Variants in TXNRD1 observed in about 807,000 individuals in gnomAD.
The protein encoded by TXNRD1 is thioredoxin reductase 1, cytoplasmic.
Under a neutral mutation model 80.3 loss-of-function variants are expected in TXNRD1, and 57 were observed. That is an observed-to-expected ratio of 0.71 (90% CI 0.57 to 0.89). The LOEUF is 0.89. Ranked by LOEUF, TXNRD1 falls within the 40% of genes least tolerant of loss-of-function variation. The pLI is 0.00. For missense variants in TXNRD1, 730 were observed against 803.0 expected (o/e 0.91, Z 1.10); for synonymous variants, 291 against 285.2 (o/e 1.02, Z -0.20).
chr12:104,281,997 T>G (rs567461132), intron 3 of TXNRD1, among the ~76,000 whole-genome samples: 5 of 152,332 alleles, frequency 3.3e-5, no homozygotes, highest in African/African-American at 9.6e-5. Context: ...GGCTTTAGTA[T>G]GTTGAAGCCA....
chr12:104,283,547 G>A (rs962995552), intron 3 of TXNRD1, among the ~76,000 whole-genome samples: 2 of 151,738 alleles, frequency 1.3e-5, no homozygotes, highest in African/African-American at 4.8e-5. Context: ...ATTGCACCCG[G>A]CCTCACACTC....
intron 11 of TXNRD1, 122 bp downstream of exon 11, chr12:104,325,551 T>C: frequency 1.4e-6 from 1 of 716,306 alleles, no homozygotes; most frequent in Admixed American, 2.5e-5. Context: ...TGCCAATTCT[T>C]AGACATCTCA....
chr12:104,327,752 T>C, intron 13 of TXNRD1, 81 bp downstream of exon 13: 1 of 1,461,220 alleles, frequency 6.8e-7, no homozygotes, highest in Non-Finnish European at 9.3e-7. Context: ...GTTGGGAAGT[T>C]TCGCAGATCT....
At chr12:104,273,697 C>T (rs535072857) in intron 3 of TXNRD1, among the ~76,000 whole-genome samples, 312 of 152,358 alleles carry the variant, frequency 2.0e-3, no homozygotes, top group African/African-American at 7.1e-3. Flanking sequence ...CCGACCTGCG[C>T]GTGGCAGCCT....
chr12:104,340,358 G>A (rs2036279774), intron 16 of TXNRD1, among the ~76,000 whole-genome samples: 1 of 152,190 alleles, frequency 6.6e-6, no homozygotes, highest in African/African-American at 2.4e-5. Flanking sequence ...TTGGGAAGGA[G>A]CCAATTAACT....
chr12:104,331,785 A>G (rs1460553963), intron 14 of TXNRD1, 144 bp downstream of exon 14: 6 of 571,166 alleles, frequency 1.1e-5, no homozygotes, highest in Admixed American at 6.0e-5. Context: ...CATTGTGCCA[A>G]TTTATTTTAT....
At chr12:104,257,855 T>C (rs973417182) in intron 2 of TXNRD1, among the ~76,000 whole-genome samples, 164 bp from the exon 3 acceptor site, 3 of 152,218 alleles carry the variant, frequency 2.0e-5, no homozygotes, top group African/African-American at 7.2e-5. Flanking sequence ...GTAAATATCA[T>C]TTCTGTCAAC....
intron 3 of TXNRD1, among the ~76,000 whole-genome samples, chr12:104,267,760 C>T (rs114022273): frequency 0.012 from 1,648 of 142,480 alleles, 42 homozygotes; most frequent in African/African-American, 0.042. Context: ...TCCTTCCTCC[C>T]TCCCTTCCCT....
intron 1 of TXNRD1, among the ~76,000 whole-genome samples, chr12:104,234,638 GAAA>G (rs33956129): frequency 4.8e-5 from 6 of 125,904 alleles, no homozygotes; most frequent in African/African-American, 5.9e-5. Context: ...TAAAGTCAGG[GAAA>G]AAAAAAAAAA....
intron 4 of TXNRD1, among the ~76,000 whole-genome samples, chr12:104,293,801 C>T (rs1404375913): frequency 6.6e-6 from 1 of 152,128 alleles, no homozygotes; most frequent in East Asian, 1.9e-4. Flanking sequence ...TGCGCGGAGA[C>T]CGGTAGTGGC....
chr12:104,315,565 G>A (rs907225267), intron 6 of TXNRD1, among the ~76,000 whole-genome samples: 3 of 152,034 alleles, frequency 2.0e-5, no homozygotes, highest in African/African-American at 7.2e-5. Flanking sequence ...CCCTCTTTTT[G>A]TTTTGTTTTA....
At chr12:104,346,951 C>G (rs1489124808) in intron 16 of TXNRD1, among the ~76,000 whole-genome samples, 1 of 151,992 alleles carries the variant, frequency 6.6e-6, no homozygotes, top group South Asian at 2.1e-4. Flanking sequence ...AAAAATTATC[C>G]GAGCATGGTG....
chr12:104,252,479 G>A (rs1044717342), intron 2 of TXNRD1, among the ~76,000 whole-genome samples: 11 of 150,922 alleles, frequency 7.3e-5, no homozygotes, highest in African/African-American at 2.2e-4. Context: ...AATAAACCAG[G>A]GTGGACTTAA....
Position 104,238,866 on chromosome 12 carries a change from C to T in TXNRD1, c.92-12661C>T, listed in dbSNP as rs1474853784. Among the ~76,000 whole-genome samples, 5 of 147,698 alleles carry T rather than the reference C, an allele frequency of 3.4e-5. No homozygotes were observed. The East Asian group carries it at 8.3e-4, about 25-fold the overall frequency. Reference sequence around the variant, plus strand: ...TGTGGTTTTCTTTTCTTTTTTTTTGCGACAGAGTCTTGCACTGTTGCCCAG... The same window carrying T: ...TGTGGTTTTCTTTTCTTTTTTTTTGTGACAGAGTCTTGCACTGTTGCCCAG... On this transcript the variant is annotated intron_variant, in intron 1 of 16. Coordinates refer to ENST00000525566, the MANE Select transcript of TXNRD1 (RefSeq NM_001093771.3).
At chr12:104,245,440 C>T (rs2032958439) in intron 1 of TXNRD1, among the ~76,000 whole-genome samples, 1 of 131,360 alleles carries the variant, frequency 7.6e-6, no homozygotes, top group Non-Finnish European at 1.6e-5. Flanking sequence ...TCACTTGAAC[C>T]TGGGAGGCAG....
chr12:104,280,017 C>T (rs1258904399), intron 3 of TXNRD1, among the ~76,000 whole-genome samples: 1 of 134,078 alleles, frequency 7.5e-6, no homozygotes, highest in Non-Finnish European at 1.5e-5. Flanking sequence ...GAGCTGAGAT[C>T]GTGCCTCTGC....
intron 4 of TXNRD1, among the ~76,000 whole-genome samples, chr12:104,289,858 G>A (rs1181117112): frequency 6.6e-6 from 1 of 151,984 alleles, no homozygotes; most frequent in Non-Finnish European, 1.5e-5. Flanking sequence ...TCAGCCTCCC[G>A]AGTAGCTGAG....
chr12:104,290,841 C>A lies in TXNRD1; in HGVS notation c.414+1801C>A, dbSNP rs148254936. On this transcript the variant is annotated intron_variant, in intron 4 of 16. Coordinates refer to ENST00000525566, the MANE Select transcript of TXNRD1 (RefSeq NM_001093771.3). ...TTACAAAGTTATATAGTAATTTGAT[C>A]TTTATGTAATTCTACTGATACTCCT... is the stretch of plus-strand genomic sequence containing the variant. Among the ~76,000 whole-genome samples the A allele has an allele frequency of 6.1e-4, 88 of 143,812 alleles. No homozygotes were observed. The East Asian group carries it at 0.015, about 25-fold the overall frequency. The allele number at this position is 143,812 out of a possible 152,430, so 94.3% of individuals were successfully genotyped here.
In TXNRD1 at chr12:104,258,090, G is replaced by A. The variant is rs1301939937; in HGVS notation, c.304+11G>A. 1 of 1,528,198 alleles carries A rather than the reference G, an allele frequency of 6.5e-7. No homozygotes were observed. The highest frequency in any genetic ancestry group is 8.9e-7 in the Non-Finnish European group (1 of 1,126,908). 94.7% of individuals were successfully genotyped at this position (1,528,198 alleles called of 1,614,324 possible). On this transcript the variant is annotated intron_variant, in intron 3 of 16. Transcript: ENST00000525566. ...AACTTGATCAAACAGGTAAGTTTCT[G>A]TTTAATATGTAAATCATAGCTGCTG...
Sources: gnomAD v4.1 joint callset for allele counts (sites outside exome capture counted in the v4.1 genomes callset) on GRCh38, gnomAD v4.1.1 for gene constraint, MANE v1.5 for transcripts, NCBI Gene and HGNC (gene_info 2026-07-23, HGNC 2026-07-21) for gene names.